The following GRM1 variants were observed in gnomAD, a reference collection of about 807,000 sequenced individuals.
GRM1 encodes metabotropic glutamate receptor 1.
Under a neutral mutation model 90.9 loss-of-function variants are expected in GRM1, and 33 were observed. The ratio of observed to expected loss-of-function variants is 0.36; its 90% CI spans 0.28 to 0.49. The LOEUF (loss-of-function observed/expected upper bound fraction) is 0.49, where lower values mean the gene tolerates loss of function less well. Among genes scored for constraint, GRM1 ranks in the 20% least tolerant of loss-of-function variants. The probability of loss-of-function intolerance (pLI) is 0.99; values close to 1 mark genes in which losing one functional copy is unlikely to be tolerated. For synonymous variants in GRM1, 700 were observed against 613.2 expected (o/e 1.14, Z -2.09); for missense variants, 1,190 against 1,534.3 (o/e 0.78, Z 3.75).
chr6:146,030,495 C>T (rs1790667200), intron 1 of GRM1, among the ~76,000 whole-genome samples: 2 of 152,168 alleles, frequency 1.3e-5, no homozygotes, highest in African/African-American at 4.8e-5. Flanking sequence ...GACTTGAATA[C>T]TTGTTTGCCC....
At chr6:146,227,880 C>T (rs1780301954) in intron 2 of GRM1, among the ~76,000 whole-genome samples, 1 of 152,168 alleles carries the variant, frequency 6.6e-6, no homozygotes, top group African/African-American at 2.4e-5. Flanking sequence ...ATTGAACATT[C>T]ATTCTGGCAA....
intron 6 of GRM1, among the ~76,000 whole-genome samples, chr6:146,397,473 C>CAAA (rs1195779695): frequency 6.6e-4 from 11 of 16,762 alleles, no homozygotes; most frequent in African/African-American, 8.7e-4. Flanking sequence ...GACCCCGTCT[C>CAAA]AAAAAAAAAA....
intron 1 of GRM1, among the ~76,000 whole-genome samples, chr6:146,071,587 A>G (rs923704295): frequency 2.0e-5 from 3 of 152,164 alleles, no homozygotes; most frequent in Non-Finnish European, 4.4e-5. Flanking sequence ...CATTACTAAA[A>G]TCTGTTACTT....
At chr6:146,292,760 C>T (rs1783033132) in intron 2 of GRM1, among the ~76,000 whole-genome samples, 1 of 151,854 alleles carries the variant, frequency 6.6e-6, no homozygotes, top group Non-Finnish European at 1.5e-5. Context: ...CATTTTCATT[C>T]CTGGATACAT....
chr6:146,218,963 C>T lies in GRM1; in HGVS notation c.950+59366C>T, dbSNP rs150158103. Among the ~76,000 whole-genome samples, 70 of 152,258 alleles carry T rather than the reference C, an allele frequency of 4.6e-4. 1 individual carries two copies. Among genetic ancestry groups the T allele is most frequent in the Middle Eastern group, 3.4e-3 (1 of 294 alleles). ...GGAAAGATGTGGAGTCACCTACCCA[C>T]GGTTTGCTTGATTTCTTCATCTTTG... On this transcript the variant is annotated intron_variant, in intron 2 of 7. Coordinates refer to ENST00000282753, the MANE Select transcript of GRM1 (RefSeq NM_001278064.2).
intron 5 of GRM1, among the ~76,000 whole-genome samples, chr6:146,379,684 C>T (rs1287006862): frequency 1.3e-5 from 2 of 152,078 alleles, no homozygotes; most frequent in African/African-American, 4.8e-5. Context: ...TTAATGTAGC[C>T]TTTACTGTCT....
chr6:146,302,966 T>C (rs1232232704), intron 2 of GRM1, among the ~76,000 whole-genome samples: 1 of 152,012 alleles, frequency 6.6e-6, no homozygotes, highest in Non-Finnish European at 1.5e-5. Flanking sequence ...TCTACCCTAG[T>C]GGATTTGGAA....
chr6:146,301,363 T>C (rs1255281634), intron 2 of GRM1, among the ~76,000 whole-genome samples: 1 of 152,242 alleles, frequency 6.6e-6, no homozygotes, highest in Non-Finnish European at 1.5e-5. Context: ...TTTCGTCCTA[T>C]AAAGTGCCCT....
In GRM1 at chr6:146,169,000, C is replaced by A. The variant is rs1291051455; in HGVS notation, c.950+9403C>A. 2.6e-5 allele frequency among the ~76,000 whole-genome samples: 4 copies of A among 152,116 alleles called. No homozygotes were observed. In the East Asian group the frequency reaches 7.7e-4, roughly 29 times the overall value. ...GTGTGATCAAATTTGGAAAAATGGC[C>A]ATTATTTCTTCAAATATTATTTCTG... On this transcript the variant is annotated intron_variant, in intron 2 of 7. Coordinates refer to ENST00000282753, the MANE Select transcript of GRM1 (RefSeq NM_001278064.2).
chr6:146,320,529 C>A (rs1015418700), intron 3 of GRM1, among the ~76,000 whole-genome samples: 1 of 151,848 alleles, frequency 6.6e-6, no homozygotes, highest in Non-Finnish European at 1.5e-5. Context: ...GGAATATTTT[C>A]AGAAGAAATG....
At chr6:146,165,726 T>C (rs1268864072) in intron 2 of GRM1, among the ~76,000 whole-genome samples, 1 of 152,026 alleles carries the variant, frequency 6.6e-6, no homozygotes, top group African/African-American at 2.4e-5. Flanking sequence ...GACTGAGAAA[T>C]GTTGCTTGGG....
rs55760038 is a variant in GRM1, at chr6:146,062,492, C to CAATAAAATAAAATAAAATAAAATAA, written c.700+32294_700+32318dup. Among the ~76,000 whole-genome samples, 531 of 145,726 alleles carry CAATAAAATAAAATAAAATAAAATAA rather than the reference C, an allele frequency of 3.6e-3. 10 individuals carry two copies. Among genetic ancestry groups the CAATAAAATAAAATAAAATAAAATAA allele is most frequent in the African/African-American group, 0.013 (493 of 38,652 alleles). On this transcript the variant is annotated intron_variant, in intron 1 of 7. Coordinates refer to ENST00000282753, the MANE Select transcript of GRM1 (RefSeq NM_001278064.2). ...ATGTGTCTCAGAACTTAAAGTATAA[C>CAATAAAATAAAATAAAATAAAATAA]AATAAAATAAAATAAAATAAAATAA...
At chr6:146,146,323 G>A (rs1583069074) in intron 1 of GRM1, among the ~76,000 whole-genome samples, 1 of 151,352 alleles carries the variant, frequency 6.6e-6, no homozygotes, top group Non-Finnish European at 1.5e-5. Context: ...TCCTGACCTC[G>A]TGATCCACCC....
intron 2 of GRM1, among the ~76,000 whole-genome samples, chr6:146,193,263 G>A (rs1778991251): frequency 6.6e-6 from 1 of 152,144 alleles, no homozygotes; most frequent in Non-Finnish European, 1.5e-5. Context: ...GGAGTCATTA[G>A]GATATATATA....
chr6:146,258,149 T>C (rs542449869), intron 2 of GRM1, among the ~76,000 whole-genome samples: 8 of 152,292 alleles, frequency 5.3e-5, no homozygotes, highest in Non-Finnish European at 2.9e-5. Flanking sequence ...ATTGAAGACA[T>C]TGAAATGCTG....
At chr6:146,162,191 C>T (rs547844412) in intron 2 of GRM1, among the ~76,000 whole-genome samples, 4 of 152,230 alleles carry the variant, frequency 2.6e-5, no homozygotes, top group East Asian at 3.9e-4. Context: ...TGGTTTCTTT[C>T]GTAACACACG....
intron 1 of GRM1, among the ~76,000 whole-genome samples, chr6:146,123,967 G>C (rs2128878139): frequency 6.6e-6 from 1 of 152,322 alleles, no homozygotes; most frequent in East Asian, 1.9e-4. Context: ...TCGAGTTTTA[G>C]TAATAAAACT....
chr6:146,341,670 C>A (rs948108360), intron 3 of GRM1, among the ~76,000 whole-genome samples: 2 of 152,212 alleles, frequency 1.3e-5, no homozygotes, highest in African/African-American at 4.8e-5. Flanking sequence ...GAAAGTTCCA[C>A]AGTCAACAGA....
At chr6:146,398,214 G>A (rs1023851401) in intron 6 of GRM1, among the ~76,000 whole-genome samples, 6 of 152,048 alleles carry the variant, frequency 3.9e-5, no homozygotes, top group Non-Finnish European at 8.8e-5. Flanking sequence ...TGAGATTTAA[G>A]GTATAATATA....
Sources: allele counts gnomAD v4.1 joint callset (sites outside exome capture counted in the v4.1 genomes callset), GRCh38; gene constraint gnomAD v4.1.1; transcripts MANE v1.5; gene names NCBI Gene and HGNC (gene_info 2026-07-23, HGNC 2026-07-21).